The following AK4 variants were observed in gnomAD, a reference collection of about 807,000 sequenced individuals.
AK4 encodes adenylate kinase 4, mitochondrial.
Under a neutral mutation model 24.6 loss-of-function variants are expected in AK4, and 13 were observed. The observed-to-expected ratio is 0.53, with a 90% confidence interval of 0.34 to 0.84. The LOEUF (loss-of-function observed/expected upper bound fraction) is 0.84, where lower values mean the gene tolerates loss of function less well. Among genes scored for constraint, AK4 ranks in the 40% least tolerant of loss-of-function variants. The pLI is 0.01. For missense variants in AK4, 192 were observed against 288.2 expected (o/e 0.67, Z 2.42); for synonymous variants, 88 against 107.0 (o/e 0.82, Z 1.10).
intron 2 of AK4, among the ~76,000 whole-genome samples, chr1:65,199,087 A>AG (rs1491230567): frequency 5.0e-5 from 2 of 40,046 alleles, no homozygotes; most frequent in African/African-American, 6.6e-4. Context: ...ACTCCGCCTC[A>AG]AAAAAAAAAA....
chr1:65,184,356 A>AT (rs984320607), intron 1 of AK4, among the ~76,000 whole-genome samples: 1 of 152,178 alleles, frequency 6.6e-6, no homozygotes, highest in African/African-American at 2.4e-5. Flanking sequence ...CTGAAGAAAG[A>AT]TTTTTTATAT....
chr1:65,163,670 G>A (rs906722348), intron 1 of AK4, among the ~76,000 whole-genome samples: 1 of 152,178 alleles, frequency 6.6e-6, no homozygotes, highest in African/African-American at 2.4e-5. Context: ...TAGACAGAGC[G>A]GATTTATCAA....
chr1:65,205,607 G>C (rs902202441), intron 2 of AK4, among the ~76,000 whole-genome samples: 1 of 152,040 alleles, frequency 6.6e-6, no homozygotes, highest in Non-Finnish European at 1.5e-5. Context: ...CTTCATACTT[G>C]AAGTCAGTAG....
intron 1 of AK4, among the ~76,000 whole-genome samples, chr1:65,168,834 T>C (rs1650417188): frequency 6.6e-6 from 1 of 152,026 alleles, no homozygotes; most frequent in African/African-American, 2.4e-5. Context: ...AAGATGGCTA[T>C]CTAAAATTAA....
intron 1 of AK4, among the ~76,000 whole-genome samples, chr1:65,150,484 A>G (rs933153598): frequency 6.6e-6 from 1 of 152,270 alleles, no homozygotes; most frequent in Admixed American, 6.5e-5. Context: ...GAAGAAAAAT[A>G]AAGGACAGCA....
intron 1 of AK4, among the ~76,000 whole-genome samples, chr1:65,187,231 C>G (rs902595944): frequency 1.3e-5 from 2 of 151,700 alleles, no homozygotes; most frequent in African/African-American, 4.8e-5. Context: ...CCTGTAGTCC[C>G]AGCTACTCGG....
At chr1:65,216,913 C>T (rs1208415722) in intron 2 of AK4, among the ~76,000 whole-genome samples, 3 of 152,140 alleles carry the variant, frequency 2.0e-5, no homozygotes, top group Non-Finnish European at 2.9e-5. Flanking sequence ...ATTGCCCAGG[C>T]TGGCCTTGAA....
chr1:65,160,222 A>G (rs144841406), intron 1 of AK4, among the ~76,000 whole-genome samples: 2 of 152,300 alleles, frequency 1.3e-5, no homozygotes, highest in East Asian at 3.9e-4. Context: ...ATAACAAAAT[A>G]CCTGAGATCA....
intron 1 of AK4, among the ~76,000 whole-genome samples, chr1:65,163,948 G>A (rs1650250829): frequency 1.3e-5 from 2 of 152,066 alleles, no homozygotes; most frequent in Non-Finnish European, 2.9e-5. Context: ...GGTCTGGGTG[G>A]TGTCAGCTGA....
chr1:65,219,309 T>C (rs994759721), intron 3 of AK4, among the ~76,000 whole-genome samples: 2 of 152,108 alleles, frequency 1.3e-5, no homozygotes, highest in African/African-American at 4.8e-5. Flanking sequence ...CTAGCCTCTT[T>C]TTAAAGCAAC....
At chr1:65,161,631 T>G (rs1185574677) in intron 1 of AK4, among the ~76,000 whole-genome samples, 1 of 152,252 alleles carries the variant, frequency 6.6e-6, no homozygotes, top group African/African-American at 2.4e-5. Flanking sequence ...TTTAATTTGT[T>G]ATTCATTATC....
chr1:65,220,676 A>G (rs111336752), intron 3 of AK4, among the ~76,000 whole-genome samples: 2 of 152,228 alleles, frequency 1.3e-5, no homozygotes, highest in Non-Finnish European at 2.9e-5. Context: ...GGGTTTCACT[A>G]TGCTAGCCAG....
chr1:65,162,614 G>A (rs1199785159), intron 1 of AK4, among the ~76,000 whole-genome samples: 2 of 151,956 alleles, frequency 1.3e-5, no homozygotes, highest in South Asian at 2.1e-4. Context: ...AGGCTGAGGC[G>A]GGCAGATCAC....
chr1:65,152,325 T>TCTCC (rs1191722465), intron 1 of AK4, among the ~76,000 whole-genome samples: 3 of 26,848 alleles, frequency 1.1e-4, no homozygotes, highest in African/African-American at 3.7e-4. Context: ...TATCTCTCTC[T>TCTCC]CTCTCTCTCT....
intron 1 of AK4, among the ~76,000 whole-genome samples, chr1:65,172,260 C>T (rs906734557): frequency 2.0e-5 from 3 of 151,082 alleles, no homozygotes; most frequent in South Asian, 2.1e-4. Context: ...AAAAGTTAAT[C>T]GTCTTTAAAG....
chr1:65,153,788 A>G (rs1649880970), intron 1 of AK4, among the ~76,000 whole-genome samples: 2 of 152,116 alleles, frequency 1.3e-5, no homozygotes, highest in Admixed American at 6.5e-5. Context: ...ACCGTAAACA[A>G]TGAGCTTGTG....
chr1:65,159,031 A>G (rs1310713919), intron 1 of AK4, among the ~76,000 whole-genome samples: 1 of 152,190 alleles, frequency 6.6e-6, no homozygotes, highest in Non-Finnish European at 1.5e-5. Context: ...TAGTTAAACA[A>G]CAGATCCAGG....
Position 65,190,928 on chromosome 1 carries a change from C to T in AK4, c.265+99C>T, listed in dbSNP as rs1236286044. On this transcript the variant is annotated intron_variant, in intron 2 of 4. Coordinates refer to ENST00000327299, the MANE Select transcript of AK4 (RefSeq NM_013410.4). The stretch of plus-strand genomic sequence containing the variant: ...TACCGAATGGAAAATGCCTTATTTT[C>T]TAAACTTTCTGTCATTTATTTAATA... 5.1e-6 allele frequency: 7 copies of T among 1,379,068 alleles called. No homozygotes were observed. The East Asian group carries it at 1.6e-4, about 31-fold the overall frequency. 85.4% of individuals were successfully genotyped at this position (1,379,068 alleles called of 1,614,324 possible). A position where few individuals can be genotyped will look rare whatever the true frequency, so the allele number is the denominator to read the frequency against.
chr1:65,161,072 G>T (rs553498216), intron 1 of AK4, among the ~76,000 whole-genome samples: 1 of 151,982 alleles, frequency 6.6e-6, no homozygotes. Flanking sequence ...TGTACTTTTT[G>T]TTGTTGTTGT....
Sources: gnomAD v4.1 joint callset for allele counts (sites outside exome capture counted in the v4.1 genomes callset) on GRCh38, gnomAD v4.1.1 for gene constraint, MANE v1.5 for transcripts, NCBI Gene and HGNC (gene_info 2026-07-23, HGNC 2026-07-21) for gene names.